Variants in RNF187 observed in about 807,000 individuals in gnomAD.
The protein encoded by RNF187 is E3 ubiquitin-protein ligase RNF187.
A neutral mutation model predicts 22.2 loss-of-function variants in RNF187; 18 were observed. That is an observed-to-expected ratio of 0.81 (90% CI 0.56 to 1.20). The LOEUF (loss-of-function observed/expected upper bound fraction) is 1.20, where lower values mean the gene tolerates loss of function less well. Among genes scored for constraint, RNF187 ranks in the 50% most tolerant of loss-of-function variants. RNF187 has a pLI of 0.00. For missense variants in RNF187, 329 were observed against 317.6 expected, an observed-to-expected ratio of 1.04 and a Z score of -0.27; for synonymous variants, 164 against 140.9, an observed-to-expected ratio of 1.16 and a Z score of -1.16.
intron 2 of RNF187, among the ~76,000 whole-genome samples, chr1:228,491,869 C>G: frequency 3.9e-5 from 6 of 152,212 alleles, no homozygotes; most frequent in Admixed American, 2.0e-4. Context: ...AAAAAAGCAA[C>G]TACATGATGT....
chr1:228,487,589 C>A lies in RNF187; in HGVS notation c.101C>A (p.Ala34Glu), dbSNP rs1363408996. The A allele has an allele frequency of 6.3e-6, 8 of 1,273,070 alleles. No individual in the cohort carries two copies. Among genetic ancestry groups the A allele is most frequent in the Non-Finnish European group, 7.0e-6 (7 of 995,362 alleles). 78.9% of individuals were successfully genotyped at this position (1,273,070 alleles called of 1,614,324 possible). A position where few individuals can be genotyped will look rare whatever the true frequency, so the allele number is the denominator to read the frequency against. The change falls in exon 1 of 4, where the codon GCG (alanine) becomes GAG (glutamate). Residue 34 changes from alanine to glutamate, a missense_variant. Physicochemically the swap from Ala to Glu is moderately radical, Grantham distance 107. Coordinates refer to ENST00000305943, the MANE Select transcript of RNF187 (RefSeq NM_001010858.3). ...GACTGCGGCCACCGCTTCTGTCGGG[C>A]GTGCGTGGTGCGCTTCTGGGCCGAG...
Position 228,488,981 on chromosome 1 carries a change from A to G in RNF187, c.412A>G (p.Ile138Val), listed in dbSNP as rs1400314761. Residue 138 changes from isoleucine (I) to valine (V), a missense_variant, in exon 2 of 4, where the codon ATC becomes GTC. Coordinates refer to ENST00000305943, the MANE Select transcript of RNF187 (RefSeq NM_001010858.3). ...ACAGGAGAACAAGGGGTCTGTGGAA[A>G]TCATGAGAAAGGACTTGAATGACGC... 1 of 1,551,184 alleles carries G rather than the reference A, an allele frequency of 6.4e-7. No homozygotes were observed. Among genetic ancestry groups the G allele is most frequent in the Non-Finnish European group, 8.7e-7 (1 of 1,146,958 alleles).
In RNF187 at chr1:228,493,931, A is replaced by G; in HGVS notation, c.*46A>G. 1 of 1,551,636 alleles carries G rather than the reference A, an allele frequency of 6.4e-7. No individual in the cohort carries two copies. Among genetic ancestry groups the G allele is most frequent in the Non-Finnish European group, 8.7e-7 (1 of 1,146,954 alleles). On this transcript the variant is annotated 3_prime_UTR_variant, in exon 4 of 4. Coordinates refer to ENST00000305943, the MANE Select transcript of RNF187 (RefSeq NM_001010858.3). The surrounding 1 kb of genome is among the most constrained non-coding windows in gnomAD (Gnocchi z 4.7). ...CCCAGAGCTGGAGGCAGGAGGATGG[A>G]TCCTCATCTCCATGGGAAGTGTCAG...
chr1:228,488,901 G>T lies in RNF187; in HGVS notation c.391-59G>T. On this transcript the variant is annotated intron_variant, in intron 1 of 3. Coordinates refer to ENST00000305943, the MANE Select transcript of RNF187 (RefSeq NM_001010858.3). ...GCTGGGGTGATGTCCCTCAGTACTG[G>T]GCTGGGTTGGGGGACCCAGAGCTTC... The T allele has an allele frequency of 5.9e-5, 80 of 1,360,550 alleles. No individual in the cohort carries two copies. In the African/African-American group the frequency reaches 1.1e-3, roughly 19 times the overall value. 84.3% of individuals were successfully genotyped at this position (1,360,550 alleles called of 1,614,324 possible). A position where few individuals can be genotyped will look rare whatever the true frequency, so the allele number is the denominator to read the frequency against.
Position 228,493,298 on chromosome 1 carries a change from C to T in RNF187, c.705+24C>T. ...AGGTGCGGGAGCCCCGCTGGGTCTGCCCACCATCGGGCCAGGGTGGACGCA... is the reference window on the plus strand; with the variant it reads ...AGGTGCGGGAGCCCCGCTGGGTCTGTCCACCATCGGGCCAGGGTGGACGCA... On this transcript the variant is annotated intron_variant, in intron 3 of 3. Coordinates refer to ENST00000305943, the MANE Select transcript of RNF187 (RefSeq NM_001010858.3). The surrounding 1 kb of genome is among the most constrained non-coding windows in gnomAD (Gnocchi z 4.7). The T allele has an allele frequency of 6.5e-7, 1 of 1,541,784 alleles. No individual in the cohort carries two copies. Among genetic ancestry groups the T allele is most frequent in the South Asian group, 1.2e-5 (1 of 83,576 alleles).
rs1571797341 is a variant in RNF187, at chr1:228,487,632, G to T, written c.144G>T (p.Pro48=). 1.7e-6 allele frequency: 2 copies of T among 1,201,460 alleles called. No individual in the cohort carries two copies. Among genetic ancestry groups the T allele is most frequent in the Non-Finnish European group, 2.1e-6 (2 of 955,354 alleles). The allele number at this position is 1,201,460 out of a possible 1,614,324, so 74.4% of individuals were successfully genotyped here. ...GGGCCGAGGAGGACGGGCCCTTCCCGTGCCCCGAGTGCGCCGACGACTGCT... is the reference window on the plus strand; with the variant it reads ...GGGCCGAGGAGGACGGGCCCTTCCCTTGCCCCGAGTGCGCCGACGACTGCT... The change falls in exon 1 of 4, where the codon CCG becomes CCT. Residue 48 remains proline (P), a synonymous_variant. Coordinates refer to ENST00000305943, the MANE Select transcript of RNF187 (RefSeq NM_001010858.3).
chr1:228,491,018 C>T, intron 2 of RNF187, among the ~76,000 whole-genome samples: 11,677 of 152,210 alleles, frequency 0.077, 524 homozygotes, highest in Non-Finnish European at 0.11. Flanking sequence ...CTGAGCACTG[C>T]AGTGTAGGGG....
Position 228,495,755 on chromosome 1 carries a change from T to C in RNF187, c.*1870T>C. On this transcript the variant is annotated 3_prime_UTR_variant, in exon 4 of 4. Coordinates refer to ENST00000305943, the MANE Select transcript of RNF187 (RefSeq NM_001010858.3). Reference sequence around the variant, plus strand: ...TCTATTTAAGAAAATTATATATTTATGGGGCACAGTGTGATGTTTTGATAT... The same window carrying C: ...TCTATTTAAGAAAATTATATATTTACGGGGCACAGTGTGATGTTTTGATAT... The C allele has an allele frequency of 1.4e-5, 14 of 983,132 alleles. No individual in the cohort carries two copies. The highest frequency in any genetic ancestry group is 1.6e-5 in the Non-Finnish European group (13 of 827,842). The allele number at this position is 983,132 out of a possible 1,614,324, so 60.9% of individuals were successfully genotyped here. A position where few individuals can be genotyped will look rare whatever the true frequency, so the allele number is the denominator to read the frequency against.
In RNF187 at chr1:228,487,846, G is replaced by T; in HGVS notation, c.358G>T (p.Glu120Ter). 8.1e-7 allele frequency: 1 copy of T among 1,232,280 alleles called. No homozygotes were observed. The highest frequency in any genetic ancestry group is 1.0e-6 in the Non-Finnish European group (1 of 981,882). The allele number at this position is 1,232,280 out of a possible 1,614,324, so 76.3% of individuals were successfully genotyped here. A position where few individuals can be genotyped will look rare whatever the true frequency, so the allele number is the denominator to read the frequency against. The change falls in exon 1 of 4, where the codon GAA (glutamate) becomes TAA (stop). Residue 120 changes from glutamate to a stop codon, truncating the protein, a stop_gained. Transcript: ENST00000305943. LOFTEE classifies it high-confidence loss of function. ...TGCGGGCCCCGAGCCGCCCGAGTGG[G>T]AACCGCGCTGGAGGAAGGCGCTGCG...
At position 228,494,512 on chromosome 1, in the gene RNF187, C is replaced by T; in HGVS notation, c.*627C>T. 3.0e-6 allele frequency: 3 copies of T among 986,510 alleles called. No individual in the cohort carries two copies. Among genetic ancestry groups the T allele is most frequent in the South Asian group, 4.7e-5 (1 of 21,366 alleles). 61.1% of individuals were successfully genotyped at this position (986,510 alleles called of 1,614,324 possible). On this transcript the variant is annotated 3_prime_UTR_variant, in exon 4 of 4. Coordinates refer to ENST00000305943, the MANE Select transcript of RNF187 (RefSeq NM_001010858.3). ...GGCCCCCACCCCACTCCTGTGCCTC[C>T]CAGGAGCCCTCCCTGTGCTCCACCT...
At chr1:228,491,507 C>G in intron 2 of RNF187, among the ~76,000 whole-genome samples, 1 of 150,090 alleles carries the variant, frequency 6.7e-6, no homozygotes, top group African/African-American at 2.5e-5. Context: ...GTGGTGCGAT[C>G]TTGCCTCACT....
In RNF187 at chr1:228,487,794, C is replaced by T; in HGVS notation, c.306C>T (p.Gly102=). 9 of 1,124,312 alleles carry T rather than the reference C, an allele frequency of 8.0e-6. No homozygotes were observed. Among genetic ancestry groups the T allele is most frequent in the Non-Finnish European group, 9.8e-6 (9 of 919,014 alleles). The allele number at this position is 1,124,312 out of a possible 1,614,324, so 69.6% of individuals were successfully genotyped here. The change falls in exon 1 of 4, where the codon GGC becomes GGT. Residue 102 remains glycine, a synonymous_variant. Transcript: ENST00000305943. ...AGCTGCTGTGCCGCGCCGACGCCGGCCCGCTCTGCGCCGCCTGCCGTATGG... is the reference window on the plus strand; with the variant it reads ...AGCTGCTGTGCCGCGCCGACGCCGGTCCGCTCTGCGCCGCCTGCCGTATGG...
At chr1:228,492,880 C>T in intron 2 of RNF187, among the ~76,000 whole-genome samples, 173 bp from the exon 3 acceptor site, 1 of 152,150 alleles carries the variant, frequency 6.6e-6, no homozygotes, top group Non-Finnish European at 1.5e-5. Flanking sequence ...GCCTTGGCCT[C>T]CTGGAGTGCT....
Position 228,493,977 on chromosome 1 carries a change from G to T in RNF187, c.*92G>T. 6.4e-7 allele frequency: 1 copy of T among 1,551,486 alleles called. No individual in the cohort carries two copies. Among genetic ancestry groups the T allele is most frequent in the Non-Finnish European group, 8.7e-7 (1 of 1,146,930 alleles). On this transcript the variant is annotated 3_prime_UTR_variant, in exon 4 of 4. Transcript: ENST00000305943. This position sits in a 1 kb window ranked among gnomAD's most constrained non-coding sequence, Gnocchi z 4.7. ...GTCAGCGTGTGGCTGCCAGGGAAGC[G>T]TGGCAGGCGCCTGGCCTTGGGTCCA...
At chr1:228,488,743 C>A in intron 1 of RNF187, among the ~76,000 whole-genome samples, 2 of 152,366 alleles carry the variant, frequency 1.3e-5, no homozygotes, top group South Asian at 4.1e-4. Flanking sequence ...CCTAGACAGT[C>A]CCCTTAGCCC....
In RNF187 at chr1:228,495,785, G is replaced by A; in HGVS notation, c.*1900G>A. The A allele has an allele frequency of 1.0e-6, 1 of 964,774 alleles. No individual in the cohort carries two copies. Among genetic ancestry groups the A allele is most frequent in the Non-Finnish European group, 1.2e-6 (1 of 811,364 alleles). The allele number at this position is 964,774 out of a possible 1,614,324, so 59.8% of individuals were successfully genotyped here. A position where few individuals can be genotyped will look rare whatever the true frequency, so the allele number is the denominator to read the frequency against. ...CACAGTGTGATGTTTTGATATCTATGTACATTGTGGAGTGACAGATTAATG... is the reference window on the plus strand; with the variant it reads ...CACAGTGTGATGTTTTGATATCTATATACATTGTGGAGTGACAGATTAATG... On this transcript the variant is annotated 3_prime_UTR_variant, in exon 4 of 4. Coordinates refer to ENST00000305943, the MANE Select transcript of RNF187 (RefSeq NM_001010858.3).
Position 228,495,131 on chromosome 1 carries a change from G to C in RNF187, c.*1246G>C. Reference sequence around the variant, plus strand: ...GTGTGGGACCCTTTCCTTGGGGCCTGGGGGGAGATGGGGCTCCACCCCGAC... The same window carrying C: ...GTGTGGGACCCTTTCCTTGGGGCCTCGGGGGAGATGGGGCTCCACCCCGAC... On this transcript the variant is annotated 3_prime_UTR_variant, in exon 4 of 4. Coordinates refer to ENST00000305943, the MANE Select transcript of RNF187 (RefSeq NM_001010858.3). 1 of 699,404 alleles carries C rather than the reference G, an allele frequency of 1.4e-6. No individual in the cohort carries two copies. Among genetic ancestry groups the C allele is most frequent in the Non-Finnish European group, 1.8e-6 (1 of 568,592 alleles). 43.3% of individuals were successfully genotyped at this position (699,404 alleles called of 1,614,324 possible). A position where few individuals can be genotyped will look rare whatever the true frequency, so the allele number is the denominator to read the frequency against.
intron 2 of RNF187, 45 bp downstream of exon 2, chr1:228,489,097 GC>G: frequency 6.8e-7 from 1 of 1,474,730 alleles, no homozygotes; most frequent in Non-Finnish European, 9.2e-7. Flanking sequence ...GGGACTGTGG[GC>G]TCAGGGCTCT....
chr1:228,493,682 G>A lies in RNF187; in HGVS notation c.706-201G>A. On this transcript the variant is annotated intron_variant, in intron 3 of 3. Coordinates refer to ENST00000305943, the MANE Select transcript of RNF187 (RefSeq NM_001010858.3). The surrounding 1 kb of genome is among the most constrained non-coding windows in gnomAD (Gnocchi z 4.7). ...GGCCCTGAACGGTTCAGTTGCCCGTGCCAGCCATAGGTGACAAGGCTTTGG... is the reference window on the plus strand; with the variant it reads ...GGCCCTGAACGGTTCAGTTGCCCGTACCAGCCATAGGTGACAAGGCTTTGG... Among the ~76,000 whole-genome samples, 1 of 152,290 alleles carries A rather than the reference G, an allele frequency of 6.6e-6. No individual in the cohort carries two copies. Among genetic ancestry groups the A allele is most frequent in the East Asian group, 1.9e-4 (1 of 5,158 alleles).
Sources: gnomAD v4.1 joint callset for allele counts (sites outside exome capture counted in the v4.1 genomes callset) on GRCh38, gnomAD v4.1.1 for gene constraint, Gnocchi (gnomAD v3.1) non-coding constraint, MANE v1.5 for transcripts, NCBI Gene and HGNC (gene_info 2026-07-23, HGNC 2026-07-21) for gene names.